HECW2: variants seen among roughly 807,000 people sequenced by gnomAD.
HECW2 encodes the protein HECT, C2 and WW domain containing E3 ubiquitin protein ligase 2.
In HECW2, 61 loss-of-function variants were observed where a neutral mutation model predicts 175.2. The observed-to-expected ratio is 0.35, with a 90% CI of 0.28 to 0.43. HECW2 has a LOEUF of 0.43. Ranked by LOEUF, HECW2 falls within the 20% of genes least tolerant of loss-of-function variation. HECW2 has a pLI of 1.00. For synonymous variants in HECW2, 671 were observed against 731.0 expected, an observed-to-expected ratio of 0.92 and a Z score of 1.32; for missense variants, 1,524 against 2,000.5, an observed-to-expected ratio of 0.76 and a Z score of 4.54.
intron 21 of HECW2, among the ~76,000 whole-genome samples, chr2:196,232,709 A>T (rs1224209064): frequency 6.6e-6 from 1 of 152,244 alleles, no homozygotes; most frequent in Non-Finnish European, 1.5e-5. Flanking sequence ...TGCTAAAACA[A>T]CAAAGACTGA....
intron 6 of HECW2, 89 bp from the exon 7 acceptor site, chr2:196,322,709 T>C (rs527857328): frequency 8.3e-7 from 1 of 1,211,078 alleles, no homozygotes; most frequent in Admixed American, 2.0e-5. Flanking sequence ...TGGTATCTCT[T>C]AAATTCTAAC....
At chr2:196,530,405 T>A (rs1172820560) in intron 1 of HECW2, among the ~76,000 whole-genome samples, 1 of 152,162 alleles carries the variant, frequency 6.6e-6, no homozygotes, top group East Asian at 1.9e-4. Context: ...GCCTAACAGA[T>A]AACCATCCCT....
At chr2:196,291,907 G>A (rs1690616903) in intron 14 of HECW2, 1 of 152,212 alleles carries the variant, frequency 6.6e-6, no homozygotes, top group African/African-American at 2.4e-5. Context: ...CTTATAACAA[G>A]CACTAATTTT....
At chr2:196,416,878 C>T (rs1695270267) in intron 2 of HECW2, among the ~76,000 whole-genome samples, 1 of 152,198 alleles carries the variant, frequency 6.6e-6, no homozygotes, top group South Asian at 2.1e-4. Flanking sequence ...GGAAGAAAAA[C>T]CTGCCATTGA....
intron 2 of HECW2, among the ~76,000 whole-genome samples, chr2:196,365,408 C>A (rs1445199491): frequency 6.6e-6 from 1 of 152,192 alleles, no homozygotes; most frequent in Non-Finnish European, 1.5e-5. Flanking sequence ...ATTTTGCATG[C>A]CTCTGAGGCT....
intron 2 of HECW2, among the ~76,000 whole-genome samples, chr2:196,359,908 G>A (rs1041474459): frequency 2.0e-5 from 3 of 152,166 alleles, no homozygotes; most frequent in Admixed American, 2.0e-4. Flanking sequence ...TTAGAGACTA[G>A]CCTGGGCAAC....
intron 2 of HECW2, among the ~76,000 whole-genome samples, chr2:196,376,031 A>G (rs1265438834): frequency 1.3e-5 from 2 of 152,208 alleles, no homozygotes; most frequent in East Asian, 3.8e-4. Context: ...GCTCAGAACC[A>G]CGTTTTATTA....
intron 17 of HECW2, among the ~76,000 whole-genome samples, chr2:196,262,293 C>T (rs113685748): frequency 0.029 from 4,331 of 151,580 alleles, 131 homozygotes; most frequent in South Asian, 0.095. Flanking sequence ...TCCCAAACTA[C>T]TAGGATTATA....
At chr2:196,300,676 ATATATC>A (rs769718486) in intron 13 of HECW2, among the ~76,000 whole-genome samples, 14 of 150,882 alleles carry the variant, frequency 9.3e-5, no homozygotes, top group South Asian at 8.4e-4. Flanking sequence ...ATCTATACAT[ATATATC>A]TATATCTATA....
intron 2 of HECW2, among the ~76,000 whole-genome samples, chr2:196,406,969 A>C (rs1694981641): frequency 6.6e-6 from 1 of 152,014 alleles, no homozygotes; most frequent in Non-Finnish European, 1.5e-5. Flanking sequence ...TTTATTTTCC[A>C]TCTTTTCTCT....
intron 22 of HECW2, among the ~76,000 whole-genome samples, chr2:196,227,168 A>C (rs1349923544): frequency 3.3e-5 from 5 of 152,210 alleles, no homozygotes; most frequent in African/African-American, 1.2e-4. Context: ...ATTGCAGCTA[A>C]ACAGAAGTTA....
chr2:196,326,602 C>T (rs909453734), intron 5 of HECW2, among the ~76,000 whole-genome samples: 1 of 151,920 alleles, frequency 6.6e-6, no homozygotes, highest in East Asian at 1.9e-4. Flanking sequence ...TACCACCACA[C>T]CCAGCGAATT....
At chr2:196,361,480 C>T (rs1249892177) in intron 2 of HECW2, among the ~76,000 whole-genome samples, 2 of 152,144 alleles carry the variant, frequency 1.3e-5, no homozygotes, top group African/African-American at 2.4e-5. Flanking sequence ...CAACCTAAGG[C>T]AATTTTCAAA....
intron 1 of HECW2, among the ~76,000 whole-genome samples, chr2:196,511,265 CTA>C (rs1687944267): frequency 6.6e-6 from 1 of 152,272 alleles, no homozygotes; most frequent in South Asian, 2.1e-4. Context: ...TATTAAATTC[CTA>C]AATGTGAAAT....
chr2:196,522,191 G>A (rs1228835481), intron 1 of HECW2, among the ~76,000 whole-genome samples: 57 of 152,106 alleles, frequency 3.7e-4, no homozygotes, highest in South Asian at 2.1e-3. Flanking sequence ...GGTGTGAGAC[G>A]GTATCTCATT....
intron 13 of HECW2, among the ~76,000 whole-genome samples, chr2:196,300,930 G>C (rs1406307119): frequency 2.0e-5 from 3 of 151,740 alleles, no homozygotes; most frequent in Non-Finnish European, 4.4e-5. Flanking sequence ...TTGTTACATA[G>C]ACAAATGTGT....
At chr2:196,468,601 C>T (rs1697056342) in intron 1 of HECW2, among the ~76,000 whole-genome samples, 1 of 152,206 alleles carries the variant, frequency 6.6e-6, no homozygotes, top group South Asian at 2.1e-4. Flanking sequence ...GTGATGGTGA[C>T]ACTGCCACCT....
chr2:196,498,671 G>A (rs962113194), intron 1 of HECW2, among the ~76,000 whole-genome samples: 1 of 152,126 alleles, frequency 6.6e-6, no homozygotes, highest in Non-Finnish European at 1.5e-5. Flanking sequence ...ACTAATGAAA[G>A]GCCACAGGGT....
chr2:196,576,390 A>T (rs1690562567), intron 1 of HECW2, among the ~76,000 whole-genome samples: 2 of 152,228 alleles, frequency 1.3e-5, no homozygotes, highest in Admixed American at 1.3e-4. Context: ...GTCTTAAAAA[A>T]GAAGGAAATC....
Sources: gnomAD v4.1 joint callset for allele counts (sites outside exome capture counted in the v4.1 genomes callset) on GRCh38, gnomAD v4.1.1 for gene constraint, MANE v1.5 for transcripts, NCBI Gene and HGNC (gene_info 2026-07-23, HGNC 2026-07-21) for gene names.